Variants in CEP72 observed in about 807,000 individuals in gnomAD.
CEP72 encodes the protein centrosomal protein 72.
Under a neutral mutation model 65.7 loss-of-function variants are expected in CEP72, and 78 were observed. That is an observed-to-expected ratio of 1.19 (90% CI 0.99 to 1.43). CEP72 has a LOEUF of 1.43. Among genes scored for constraint, CEP72 ranks in the 40% most tolerant of loss-of-function variants. The pLI is 0.00. For missense variants in CEP72, 914 were observed against 832.9 expected, an observed-to-expected ratio of 1.10 and a Z score of -1.20; for synonymous variants, 358 against 351.7, an observed-to-expected ratio of 1.02 and a Z score of -0.20.
chr5:634,956 C>T (rs950152305), intron 5 of CEP72, among the ~76,000 whole-genome samples: 7 of 152,162 alleles, frequency 4.6e-5, no homozygotes, highest in Admixed American at 2.6e-4. Flanking sequence ...AGTGCAGTGG[C>T]GCAATCTTGG....
intron 1 of CEP72, 33 bp from the exon 2 acceptor site, chr5:618,957 A>G (rs1736192246): frequency 1.3e-6 from 2 of 1,535,138 alleles, no homozygotes; most frequent in Non-Finnish European, 1.8e-6. Context: ...TTCAAAATAA[A>G]AGATTAAAAT....
chr5:666,643 G>A (rs539977746), intron 4 of CEP72, among the ~76,000 whole-genome samples: 38 of 152,362 alleles, frequency 2.5e-4, no homozygotes, highest in Admixed American at 7.8e-4. Flanking sequence ...AGGCGGCCCC[G>A]CTGTGCCCTT....
In CEP72 at chr5:652,855, A is replaced by G. The variant is rs541366398; in HGVS notation, c.1779-133A>G. 672 of 989,900 alleles carry G rather than the reference A, an allele frequency of 6.8e-4. 5 individuals are homozygous for G. The East Asian group carries it at 0.012, about 18-fold the overall frequency. The allele number at this position is 989,900 out of a possible 1,614,324, so 61.3% of individuals were successfully genotyped here. On this transcript the variant is annotated intron_variant, in intron 11 of 11. Transcript: ENST00000264935. ...GTGGGACACAGAAGGTGATGGGGCC[A>G]CAGAGATAGGTCTGTGTGCAGGGCC...
chr5:653,560 T>G (rs950376450), downstream of CEP72: 6 of 154,420 alleles, frequency 3.9e-5, no homozygotes, highest in African/African-American at 1.4e-4. Context: ...AAAAGTTAAC[T>G]TTTTCAGTGG....
rs1321216075 is a variant in CEP72 at position 623,354 on chromosome 5, C to T, written c.404-1117C>T. Among the ~76,000 whole-genome samples, 5 of 152,198 alleles carry T rather than the reference C, an allele frequency of 3.3e-5. No individual in the cohort carries two copies. The highest frequency in any genetic ancestry group is 4.1e-4 in the South Asian group (2 of 4,828). ...TGCGTGGTGCCTCCTGGAGTGGGCT[C>T]GGTCCTTGGCTCCGCGTGGGTCATG... On this transcript the variant is annotated intron_variant, in intron 3 of 11. Transcript: ENST00000264935. This position sits in a 1 kb window ranked among gnomAD's most constrained non-coding sequence, Gnocchi z 5.3.
chr5:639,361 G>A (rs927877441), intron 8 of CEP72, 137 bp downstream of exon 8: 48 of 989,022 alleles, frequency 4.9e-5, no homozygotes, highest in Middle Eastern at 3.3e-4. Context: ...TGGTGGTCCC[G>A]CGCCTGGGCC....
chr5:618,961 T>C, intron 1 of CEP72, 29 bp from the exon 2 acceptor site: 1 of 1,558,684 alleles, frequency 6.4e-7, no homozygotes. Flanking sequence ...AAATAAAAGA[T>C]TAAAATCTTA....
intron 9 of CEP72, chr5:641,202 G>C: frequency 2.0e-6 from 2 of 985,290 alleles, no homozygotes; most frequent in Non-Finnish European, 2.4e-6. Flanking sequence ...TCTCATCTGA[G>C]GCCTCACGGG....
At position 624,367 on chromosome 5, in the gene CEP72, TG is replaced by T; in HGVS notation, c.404-102del. Reference sequence around the variant, plus strand: ...GGTGCTAGGTTAGTGGGAGCAGGGCTGGCCCCGAGGGGATGGACACCCTGCC... The same window carrying T: ...GGTGCTAGGTTAGTGGGAGCAGGGCTGCCCCGAGGGGATGGACACCCTGCC... On this transcript the variant is annotated intron_variant, in intron 3 of 11. Transcript: ENST00000264935. This position sits in a 1 kb window ranked among gnomAD's most constrained non-coding sequence, Gnocchi z 4.7. 1.3e-6 allele frequency: 1 copy of T among 746,570 alleles called. No homozygotes were observed. The highest frequency in any genetic ancestry group is 2.4e-6 in the Non-Finnish European group (1 of 422,960). 46.2% of individuals were successfully genotyped at this position (746,570 alleles called of 1,614,324 possible). A position where few individuals can be genotyped will look rare whatever the true frequency, so the allele number is the denominator to read the frequency against.
intron 4 of CEP72, among the ~76,000 whole-genome samples, chr5:629,318 T>A (rs1737048554): frequency 6.6e-6 from 1 of 152,268 alleles, no homozygotes; most frequent in South Asian, 2.1e-4. Context: ...TGTATCTCCT[T>A]GTGGATGTGC....
intron 4 of CEP72, among the ~76,000 whole-genome samples, chr5:629,608 C>T (rs1277447426): frequency 9.8e-6 from 1 of 102,106 alleles, no homozygotes; most frequent in Admixed American, 1.0e-4. Flanking sequence ...TGTCCAGTGC[C>T]GGGATTTGGC....
At chr5:675,040 G>T in the CEP72 span, among the ~76,000 whole-genome samples, 2 of 96,920 alleles carry the variant, frequency 2.1e-5, no homozygotes, top group Admixed American at 1.1e-4. Context: ...AGTGAGGGGG[G>T]TACAGTATGG....
In CEP72 at chr5:612,356, T is replaced by C. The variant is rs778120287; in HGVS notation, c.-6T>C. On this transcript the variant is annotated 5_prime_UTR_variant, in exon 1 of 12. Coordinates refer to ENST00000264935, the MANE Select transcript of CEP72 (RefSeq NM_018140.4). ...GCAGGCGCCGTCCGAGGGCTCCGTT[T>C]GAAACATGGCGCGGGCTGGCCCTCG... 6.0e-6 allele frequency: 9 copies of C among 1,488,454 alleles called. No individual in the cohort carries two copies. The highest frequency in any genetic ancestry group is 2.5e-5 in the South Asian group (2 of 79,496). The allele number at this position is 1,488,454 out of a possible 1,614,324, so 92.2% of individuals were successfully genotyped here. A position where few individuals can be genotyped will look rare whatever the true frequency, so the allele number is the denominator to read the frequency against.
chr5:644,220 C>G (rs566268023), intron 9 of CEP72, 79 bp from the exon 10 acceptor site: 1 of 1,505,222 alleles, frequency 6.6e-7, no homozygotes, highest in African/African-American at 1.4e-5. Context: ...TCTGGGGATT[C>G]TCAGGTTTCA....
chr5:675,279 G>T, the CEP72 span, among the ~76,000 whole-genome samples: 1 of 116,980 alleles, frequency 8.5e-6, no homozygotes. Context: ...CAGCCCAGGG[G>T]GTTCAGTGTG....
the CEP72 span, among the ~76,000 whole-genome samples, chr5:675,136 G>A: frequency 1.7e-3 from 172 of 99,052 alleles, no homozygotes; most frequent in South Asian, 5.5e-3. Flanking sequence ...GTGGCCAGGG[G>A]TGCAGTGTGG....
At chr5:629,249 A>G (rs1052431144) in intron 4 of CEP72, among the ~76,000 whole-genome samples, 11 of 152,228 alleles carry the variant, frequency 7.2e-5, no homozygotes, top group African/African-American at 2.7e-4. Context: ...AGCCATTATG[A>G]AAACATTCTC....
At chr5:646,795 G>A (rs1263691253) in intron 10 of CEP72, among the ~76,000 whole-genome samples, 1 of 152,206 alleles carries the variant, frequency 6.6e-6, no homozygotes, top group Admixed American at 6.5e-5. Flanking sequence ...TCTCAGAGCT[G>A]ACGGCCACCC....
chr5:659,308 T>G (rs1739488007), downstream of CEP72, among the ~76,000 whole-genome samples: 1 of 152,278 alleles, frequency 6.6e-6, no homozygotes, highest in Non-Finnish European at 1.5e-5. Flanking sequence ...ATAGCCACTG[T>G]TAATTTGGAG....
Sources: gnomAD v4.1 joint callset for allele counts (sites outside exome capture counted in the v4.1 genomes callset) on GRCh38, gnomAD v4.1.1 for gene constraint, Gnocchi (gnomAD v3.1) non-coding constraint, MANE v1.5 for transcripts, NCBI Gene and HGNC (gene_info 2026-07-23, HGNC 2026-07-21) for gene names.